The following NRCAM variants were observed in gnomAD, a reference collection of about 807,000 sequenced individuals.
NRCAM encodes the protein NgCAM-related cell adhesion molecule.
Under a neutral mutation model 156.5 loss-of-function variants are expected in NRCAM, and 83 were observed. That is an observed-to-expected ratio of 0.53 (90% CI 0.44 to 0.64). NRCAM has a LOEUF of 0.64. Ranked by LOEUF, NRCAM falls within the 30% of genes least tolerant of loss-of-function variation. NRCAM has a pLI of 0.00. For missense variants in NRCAM, 1,417 were observed against 1,597.3 expected (o/e 0.89, Z 1.92); for synonymous variants, 538 against 563.9 (o/e 0.95, Z 0.65).
chr7:108,430,100 G>T lies in NRCAM; in HGVS notation c.-332+26143C>A, dbSNP rs552764283. On this transcript the variant is annotated intron_variant, in intron 1 of 32. Coordinates refer to ENST00000379028, the MANE Select transcript of NRCAM (RefSeq NM_001037132.4). Reference sequence around the variant, plus strand: ...AGAGCTGAGTTGGGGGGTGCACAAGGAAAGATGAGGCCAGAGAGGCAGCAG... The same window carrying T: ...AGAGCTGAGTTGGGGGGTGCACAAGTAAAGATGAGGCCAGAGAGGCAGCAG... Among the ~76,000 whole-genome samples, 4 of 152,310 alleles carry T rather than the reference G, an allele frequency of 2.6e-5. No homozygotes were observed. In the East Asian group the frequency reaches 7.7e-4, roughly 29 times the overall value.
At chr7:108,390,845 A>T (rs2099757363) in intron 2 of NRCAM, among the ~76,000 whole-genome samples, 1 of 152,236 alleles carries the variant, frequency 6.6e-6, no homozygotes, top group Non-Finnish European at 1.5e-5. Flanking sequence ...GTAGTCATTC[A>T]GGAGCAGGTT....
chr7:108,182,052 A>T, intron 23 of NRCAM, 115 bp from the exon 24 acceptor site: 1 of 684,784 alleles, frequency 1.5e-6, no homozygotes, highest in South Asian at 2.0e-5. Flanking sequence ...TATTCTATGG[A>T]TTATTAAGGC....
chr7:108,209,716 G>A (rs2083023336), intron 11 of NRCAM, 111 bp from the exon 12 acceptor site: 1 of 735,514 alleles, frequency 1.4e-6, no homozygotes, highest in Non-Finnish European at 2.3e-6. Flanking sequence ...AAAATCATAA[G>A]AAATACATAG....
intron 2 of NRCAM, among the ~76,000 whole-genome samples, chr7:108,336,119 T>G (rs1291059197): frequency 5.3e-5 from 8 of 152,210 alleles, no homozygotes; most frequent in African/African-American, 1.9e-4. Flanking sequence ...AGGATTTTGC[T>G]GACCTTATTT....
chr7:108,202,982 GCCACAGCCTTGGGCA>G lies in NRCAM; in HGVS notation c.1207+4531_1207+4545del, dbSNP rs1295208974. Among the ~76,000 whole-genome samples the G allele has an allele frequency of 3.3e-5, 5 of 152,144 alleles. No individual in the cohort carries two copies. The East Asian group carries it at 7.7e-4, about 23-fold the overall frequency. On this transcript the variant is annotated intron_variant, in intron 13 of 32. Transcript: ENST00000379028. ...TCCTGCAGAGATAGGAATCACAGTG[GCCACAGCCTTGGGCA>G]CCACCACCAGAATGGCACAGGCTCT... is the stretch of plus-strand genomic sequence containing the variant.
chr7:108,426,032 C>A (rs975071301), intron 1 of NRCAM, among the ~76,000 whole-genome samples: 9 of 152,198 alleles, frequency 5.9e-5, no homozygotes, highest in Admixed American at 1.3e-4. Context: ...GACACTAATG[C>A]ATTCATCATT....
Position 108,416,099 on chromosome 7 carries a change from C to T in NRCAM, c.-331-16506G>A, listed in dbSNP as rs115602322. ...CTTCCAGTCCAGAAGAGTGATTCTT[C>T]CATGACAGAACGGGCCAGCTGCTGA... On this transcript the variant is annotated intron_variant, in intron 1 of 32. Coordinates refer to ENST00000379028, the MANE Select transcript of NRCAM (RefSeq NM_001037132.4). 5.6e-3 allele frequency among the ~76,000 whole-genome samples: 851 copies of T among 152,324 alleles called. 9 individuals are homozygous for T. The highest frequency in any genetic ancestry group is 0.019 in the African/African-American group (796 of 41,570).
At chr7:108,239,132 G>C (rs769434801) in intron 4 of NRCAM, among the ~76,000 whole-genome samples, 6 of 152,020 alleles carry the variant, frequency 3.9e-5, no homozygotes, top group Admixed American at 6.6e-5. Context: ...TTGAAATTTT[G>C]CTTTCCATTT....
chr7:108,322,094 G>A lies in NRCAM; in HGVS notation c.-173-9363C>T, dbSNP rs554976328. Reference sequence around the variant, plus strand: ...GGCAGTAAATAAATCTCATTATAAAGATGAAATGAGGAGAAGTTTTGAAAA... The same window carrying A: ...GGCAGTAAATAAATCTCATTATAAAAATGAAATGAGGAGAAGTTTTGAAAA... On this transcript the variant is annotated intron_variant, in intron 2 of 32. Coordinates refer to ENST00000379028, the MANE Select transcript of NRCAM (RefSeq NM_001037132.4). 2.6e-5 allele frequency among the ~76,000 whole-genome samples: 4 copies of A among 152,222 alleles called. No homozygotes were observed. The South Asian group carries it at 8.3e-4, about 32-fold the overall frequency.
intron 2 of NRCAM, among the ~76,000 whole-genome samples, chr7:108,390,204 G>A (rs1205847550): frequency 2.0e-5 from 3 of 152,052 alleles, no homozygotes; most frequent in Non-Finnish European, 2.9e-5. Flanking sequence ...TGGTTGGTAG[G>A]CTATTAATTA....
intron 4 of NRCAM, among the ~76,000 whole-genome samples, chr7:108,239,429 G>C (rs2095379647): frequency 6.6e-6 from 1 of 152,164 alleles, no homozygotes; most frequent in African/African-American, 2.4e-5. Context: ...TGGAAAGTGA[G>C]ATGCGCCTTG....
intron 2 of NRCAM, among the ~76,000 whole-genome samples, chr7:108,386,426 AAAT>A (rs1303454317): frequency 1.3e-5 from 2 of 152,206 alleles, no homozygotes; most frequent in Non-Finnish European, 1.5e-5. Flanking sequence ...GATTGGAAAT[AAAT>A]TATTCTTCAA....
chr7:108,336,260 C>A (rs1005776416), intron 2 of NRCAM, among the ~76,000 whole-genome samples: 4 of 152,154 alleles, frequency 2.6e-5, no homozygotes, highest in Non-Finnish European at 5.9e-5. Flanking sequence ...CTGTCTAATC[C>A]AATTTGATGC....
At chr7:108,318,809 G>A (rs1440156764) in intron 2 of NRCAM, among the ~76,000 whole-genome samples, 1 of 152,164 alleles carries the variant, frequency 6.6e-6, no homozygotes, top group Non-Finnish European at 1.5e-5. Context: ...CCCTGGAACA[G>A]CCTCCAGATG....
At chr7:108,303,448 C>T (rs191712837) in intron 3 of NRCAM, among the ~76,000 whole-genome samples, 2 of 152,294 alleles carry the variant, frequency 1.3e-5, no homozygotes, top group East Asian at 3.9e-4. Context: ...TCTCTAGCCT[C>T]CTACTGGTTT....
At chr7:108,190,397 T>C (rs1437060542) in intron 19 of NRCAM, among the ~76,000 whole-genome samples, 1 of 152,190 alleles carries the variant, frequency 6.6e-6, no homozygotes, top group African/African-American at 2.4e-5. Flanking sequence ...AGAGTTACTG[T>C]TCCCCCCAGG....
rs551769445 is a variant in NRCAM, at chr7:108,381,327, G to C, written c.-174+18109C>G. Among the ~76,000 whole-genome samples the C allele has an allele frequency of 2.0e-5, 3 of 151,974 alleles. No homozygotes were observed. In the South Asian group the frequency reaches 6.2e-4, roughly 32 times the overall value. ...AATAATACTATTTTAAAATACTCTT[G>C]CCCACAGCTTTTTTATTTAATTGCA... On this transcript the variant is annotated intron_variant, in intron 2 of 32. Transcript: ENST00000379028.
chr7:108,266,086 T>A (rs58523350), intron 3 of NRCAM, among the ~76,000 whole-genome samples: 1 of 152,200 alleles, frequency 6.6e-6, no homozygotes, highest in African/African-American at 2.4e-5. Context: ...ATGTATTGTA[T>A]GTGTTTTCAA....
At chr7:108,163,578 C>A (rs966261915) in intron 30 of NRCAM, among the ~76,000 whole-genome samples, 2 of 152,088 alleles carry the variant, frequency 1.3e-5, no homozygotes, top group African/African-American at 2.4e-5. Flanking sequence ...AGCTGTTGGG[C>A]CTCGTGAAAA....
Sources: gnomAD v4.1 joint callset for allele counts (sites outside exome capture counted in the v4.1 genomes callset) on GRCh38, gnomAD v4.1.1 for gene constraint, MANE v1.5 for transcripts, NCBI Gene and HGNC (gene_info 2026-07-23, HGNC 2026-07-21) for gene names.